Variants in LRRTM4 observed in about 807,000 individuals in gnomAD.
LRRTM4 encodes leucine rich repeat transmembrane neuronal 4.
A neutral mutation model predicts 47.6 loss-of-function variants in LRRTM4; 25 were observed. That is an observed-to-expected ratio of 0.53 (90% confidence interval 0.38 to 0.73). The LOEUF (loss-of-function observed/expected upper bound fraction) is 0.73, where lower values mean the gene tolerates loss of function less well. Among genes scored for constraint, LRRTM4 ranks in the 30% least tolerant of loss-of-function variants. LRRTM4 has a pLI of 0.00. For synonymous variants in LRRTM4, 311 were observed against 269.5 expected (o/e 1.15, Z -1.51); for missense variants, 638 against 713.4 (o/e 0.89, Z 1.20).
chr2:77,467,899 A>G (rs926848778), intron 3 of LRRTM4, among the ~76,000 whole-genome samples: 1 of 152,134 alleles, frequency 6.6e-6, no homozygotes, highest in Admixed American at 6.5e-5. Flanking sequence ...ATCAAAGGTT[A>G]TTTATTGATT....
At chr2:77,062,300 T>C (rs1175708903) in intron 3 of LRRTM4, among the ~76,000 whole-genome samples, 1 of 152,086 alleles carries the variant, frequency 6.6e-6, no homozygotes, top group Non-Finnish European at 1.5e-5. Context: ...TAAACTAAAT[T>C]AATCAAAAAG....
chr2:77,070,035 C>T (rs1680098136), intron 3 of LRRTM4, among the ~76,000 whole-genome samples: 2 of 151,944 alleles, frequency 1.3e-5, no homozygotes, highest in African/African-American at 4.8e-5. Context: ...CAGGCAAGTA[C>T]TGCACAGATC....
chr2:77,216,400 C>G (rs1674440762), intron 3 of LRRTM4, among the ~76,000 whole-genome samples: 2 of 152,148 alleles, frequency 1.3e-5, no homozygotes, highest in South Asian at 4.1e-4. Context: ...GGCGCGGTAG[C>G]TCACGCCTGT....
chr2:76,933,686 ACT>A (rs1674848551), intron 3 of LRRTM4, among the ~76,000 whole-genome samples: 1 of 152,088 alleles, frequency 6.6e-6, no homozygotes, highest in African/African-American at 2.4e-5. Flanking sequence ...CTGCCAGATA[ACT>A]CTATTCTCAG....
At chr2:77,294,038 G>C (rs995583393) in intron 3 of LRRTM4, among the ~76,000 whole-genome samples, 3 of 152,094 alleles carry the variant, frequency 2.0e-5, no homozygotes. Context: ...AAACATATAT[G>C]TATACCACAT....
intron 3 of LRRTM4, among the ~76,000 whole-genome samples, chr2:76,750,704 A>G (rs1672821870): frequency 6.6e-6 from 1 of 152,150 alleles, no homozygotes; most frequent in Admixed American, 6.5e-5. Flanking sequence ...TCGTCTGTTT[A>G]CTATGCAAGT....
At chr2:77,049,122 T>TATATATA (rs34587249) in intron 3 of LRRTM4, among the ~76,000 whole-genome samples, 1,076 of 62,160 alleles carry the variant, frequency 0.017, 19 homozygotes, top group South Asian at 0.022. Flanking sequence ...ATTTCATTTT[T>TATATATA]TATATATATA....
At chr2:76,847,919 T>C (rs983545352) in intron 3 of LRRTM4, among the ~76,000 whole-genome samples, 1 of 152,170 alleles carries the variant, frequency 6.6e-6, no homozygotes, top group Non-Finnish European at 1.5e-5. Context: ...GTAAACATTT[T>C]TGAGTGTTCC....
At chr2:77,344,640 G>A (rs1448976032) in intron 3 of LRRTM4, among the ~76,000 whole-genome samples, 1 of 151,698 alleles carries the variant, frequency 6.6e-6, no homozygotes, top group Admixed American at 6.6e-5. Context: ...AACAAATAAT[G>A]ACTGAAAACT....
intron 3 of LRRTM4, among the ~76,000 whole-genome samples, chr2:76,851,636 G>A (rs1671997953): frequency 6.6e-6 from 1 of 151,826 alleles, no homozygotes; most frequent in Non-Finnish European, 1.5e-5. Flanking sequence ...ACCTCCCCAG[G>A]GCTCAATTTT....
intron 3 of LRRTM4, among the ~76,000 whole-genome samples, chr2:77,435,136 T>C (rs191173819): frequency 6.7e-4 from 102 of 152,062 alleles, no homozygotes; most frequent in African/African-American, 2.3e-3. Context: ...AAAATCTCTA[T>C]TCATTGCAAA....
intron 3 of LRRTM4, among the ~76,000 whole-genome samples, chr2:76,965,743 A>G (rs1676003838): frequency 6.6e-6 from 1 of 151,434 alleles, no homozygotes; most frequent in South Asian, 2.1e-4. Flanking sequence ...TGTAAAATAC[A>G]CAGTACTTGA....
intron 3 of LRRTM4, among the ~76,000 whole-genome samples, chr2:77,403,885 T>TATATATATA (rs893824593): frequency 2.0e-5 from 3 of 150,388 alleles, no homozygotes; most frequent in African/African-American, 7.5e-5. Flanking sequence ...TATATATATA[T>TATATATATA]TTTAGGAAAG....
chr2:77,416,551 C>T (rs1573384316), intron 3 of LRRTM4, among the ~76,000 whole-genome samples: 1 of 152,076 alleles, frequency 6.6e-6, no homozygotes, highest in Middle Eastern at 3.4e-3. Context: ...AATTCATTCT[C>T]AATTTAAAAA....
intron 3 of LRRTM4, among the ~76,000 whole-genome samples, chr2:77,441,367 CG>C (rs1675835619): frequency 6.6e-6 from 1 of 152,134 alleles, no homozygotes; most frequent in Non-Finnish European, 1.5e-5. Context: ...TAATATTTAT[CG>C]GATGCTTACT....
At chr2:77,242,631 T>C in intron 3 of LRRTM4, among the ~76,000 whole-genome samples, 1 of 152,024 alleles carries the variant, frequency 6.6e-6, no homozygotes. Context: ...CAGCCCATTA[T>C]GATGGATACT....
intron 3 of LRRTM4, among the ~76,000 whole-genome samples, chr2:77,017,733 G>C (rs1678118685): frequency 6.6e-6 from 1 of 150,794 alleles, no homozygotes; most frequent in African/African-American, 2.5e-5. Flanking sequence ...ATAAATAGAA[G>C]AGGAGAATAA....
At chr2:77,157,511 C>T (rs1264748312) in intron 3 of LRRTM4, among the ~76,000 whole-genome samples, 4 of 151,802 alleles carry the variant, frequency 2.6e-5, no homozygotes, top group East Asian at 3.9e-4. Flanking sequence ...TTCATTATTG[C>T]TTATAATATT....
At chr2:76,990,820 T>C (rs367924226) in intron 3 of LRRTM4, among the ~76,000 whole-genome samples, 4 of 151,730 alleles carry the variant, frequency 2.6e-5, no homozygotes, top group East Asian at 3.9e-4. Context: ...CTACAGACTA[T>C]TGCACCCATC....
Sources: allele counts gnomAD v4.1 joint callset (sites outside exome capture counted in the v4.1 genomes callset), GRCh38; gene constraint gnomAD v4.1.1; transcripts MANE v1.5; gene names NCBI Gene and HGNC (gene_info 2026-07-23, HGNC 2026-07-21).